The following DUS1L variants were observed in gnomAD, a reference collection of about 807,000 sequenced individuals.
DUS1L encodes the protein dihydrouridine synthase 1 like, also known as tRNA-dihydrouridine(16/17) synthase [NAD(P)(+)]-like.
In DUS1L, 56 loss-of-function variants were observed where a neutral mutation model predicts 61.2. The observed-to-expected ratio is 0.92, with a 90% CI of 0.74 to 1.14. The LOEUF (loss-of-function observed/expected upper bound fraction) is 1.14, where lower values mean the gene tolerates loss of function less well. Ranked by LOEUF, DUS1L falls within the 50% of genes most tolerant of loss-of-function variation. The pLI, the probability that DUS1L is intolerant of heterozygous loss-of-function variation, is 0.00. For synonymous variants in DUS1L, 278 were observed against 259.5 expected (o/e 1.07, Z -0.69); for missense variants, 630 against 632.4 (o/e 1.00, Z 0.04).
intron 7 of DUS1L, 73 bp downstream of exon 7, chr17:82,061,545 G>A: frequency 6.6e-7 from 1 of 1,509,462 alleles, no homozygotes; most frequent in Non-Finnish European, 9.1e-7. Flanking sequence ...GTAGGCAGTG[G>A]GAGGCACCGA....
chr17:82,057,508 C>T lies in DUS1L; in HGVS notation c.*607G>A. ...TCTTTCCTGCCGTGCAGGCTCTGGT[C>T]ACCCCTGGGTGGCCTTGGGTTCCTG... On this transcript the variant is annotated 3_prime_UTR_variant, in exon 14 of 14. Transcript: ENST00000306796. 2.6e-6 allele frequency: 1 copy of T among 383,088 alleles called. No individual in the cohort carries two copies. The highest frequency in any genetic ancestry group is 5.2e-6 in the Non-Finnish European group (1 of 193,626). The allele number at this position is 383,088 out of a possible 1,614,324, so 23.7% of individuals were successfully genotyped here. A position where few individuals can be genotyped will look rare whatever the true frequency, so the allele number is the denominator to read the frequency against.
At chr17:82,059,041 C>T (rs1052457662) in intron 11 of DUS1L, 23 of 574,664 alleles carry the variant, frequency 4.0e-5, no homozygotes, top group African/African-American at 1.9e-4. Context: ...CTGCAGGAAA[C>T]GGATAGGAAG....
At chr17:82,063,155 C>A in intron 4 of DUS1L, 182 bp from the exon 5 acceptor site, 1 of 640,856 alleles carries the variant, frequency 1.6e-6, no homozygotes, top group South Asian at 1.9e-5. Flanking sequence ...CTCCGCCATA[C>A]CCCCGGCCCT....
At chr17:82,059,214 ATTCAGCCTGAAGCCCCAC>A (rs2033309237) in intron 11 of DUS1L, 3 of 201,088 alleles carry the variant, frequency 1.5e-5, no homozygotes, top group African/African-American at 6.8e-5. Context: ...CAAATCAAGA[ATTCAGCCTGAAGCCCCAC>A]TTCCTGCCTC....
intron 10 of DUS1L, 119 bp downstream of exon 10, chr17:82,060,582 G>T: frequency 7.6e-7 from 1 of 1,312,250 alleles, no homozygotes; most frequent in Non-Finnish European, 1.0e-6. Flanking sequence ...CCTTTCCCTT[G>T]GGCAGGAGAT....
At chr17:82,064,526 T>G (rs781201772) in intron 2 of DUS1L, among the ~76,000 whole-genome samples, 4 of 152,032 alleles carry the variant, frequency 2.6e-5, no homozygotes, top group Non-Finnish European at 5.9e-5. Context: ...GAGGCAGCAA[T>G]CCAGAGGCCC....
chr17:82,060,707 CG>C lies in DUS1L; in HGVS notation c.1015del (p.Arg339GlyfsTer39). 1 of 1,612,698 alleles carries C rather than the reference CG, an allele frequency of 6.2e-7. No homozygotes were observed. The highest frequency in any genetic ancestry group is 8.5e-7 in the Non-Finnish European group (1 of 1,179,824). The part of the protein sequence containing the change: ...PFHWICQPYI[R>X]PGPREGSKEK... ...GGGCTGGCTGGGCTCTCACCCCGGC[CG>C]GATGTAGGGCTGGCAGATCCAGTGG... On this transcript the variant is annotated frameshift_variant, in exon 10 of 14. Transcript: ENST00000306796. LOFTEE classifies it high-confidence loss of function.
intron 2 of DUS1L, 35 bp downstream of exon 2, chr17:82,064,788 C>A: frequency 6.3e-7 from 1 of 1,576,442 alleles, no homozygotes; most frequent in Non-Finnish European, 8.6e-7. Context: ...ACCGGGAACC[C>A]AACCGCGGCC....
In DUS1L at chr17:82,064,221, T is replaced by C. The variant is rs771622282; in HGVS notation, c.251A>G (p.Asp84Gly). 1 of 1,611,678 alleles carries C rather than the reference T, an allele frequency of 6.2e-7. No homozygotes were observed. The highest frequency in any genetic ancestry group is 2.2e-5 in the East Asian group (1 of 44,868). The change falls in exon 3 of 14, where the codon GAC (aspartate) becomes GGC (glycine). Residue 84 changes from aspartate (D) to glycine (G), a missense_variant. By Grantham distance (94) the Asp-to-Gly change is moderately conservative (BLOSUM62 -1). Transcript: ENST00000306796. ...AGCCGCCTGAACAAACACCTCCGGG[T>C]CATTGGCACAGAACTGGAGAAGATG... ...RPLIVQFCAN[D>G]PEVFVQAALL...
At chr17:82,063,262 G>A in intron 4 of DUS1L, 1 of 695,532 alleles carries the variant, frequency 1.4e-6, no homozygotes, top group Non-Finnish European at 2.4e-6. Context: ...CTACTGTCTG[G>A]TTTTAAGGGG....
chr17:82,061,811 C>T (rs986136257), intron 6 of DUS1L, 90 bp from the exon 7 acceptor site: 21 of 1,591,852 alleles, frequency 1.3e-5, no homozygotes, highest in South Asian at 7.8e-5. Flanking sequence ...TGGTCACGGG[C>T]GTCAGGCGTG....
intron 11 of DUS1L, chr17:82,059,087 C>T (rs571150818): frequency 5.6e-6 from 3 of 534,252 alleles, no homozygotes; most frequent in Admixed American, 6.2e-5. Context: ...GACGAGCAGC[C>T]TTATCTGTCC....
chr17:82,059,799 G>C lies in DUS1L; in HGVS notation c.1168+149C>G. ...CCCCGTTCTGACCCCAAGTCTGGCTGACTACTCCGCCAAGCCCTCCAGGTG... is the reference window on the plus strand; with the variant it reads ...CCCCGTTCTGACCCCAAGTCTGGCTCACTACTCCGCCAAGCCCTCCAGGTG... On this transcript the variant is annotated intron_variant, in intron 11 of 13. Transcript: ENST00000306796. 1.7e-6 allele frequency: 2 copies of C among 1,163,182 alleles called. 1 individual carries two copies. Among genetic ancestry groups the C allele is most frequent in the South Asian group, 2.9e-5 (2 of 69,718 alleles). 72.1% of individuals were successfully genotyped at this position (1,163,182 alleles called of 1,614,324 possible).
chr17:82,064,500 G>A (rs913018705), intron 2 of DUS1L, among the ~76,000 whole-genome samples: 3 of 152,248 alleles, frequency 2.0e-5, no homozygotes, highest in Non-Finnish European at 4.4e-5. Flanking sequence ...GTTCTGAAGA[G>A]GGAGTGTGAG....
chr17:82,060,203 C>A, intron 10 of DUS1L, 110 bp from the exon 11 acceptor site: 2 of 1,410,120 alleles, frequency 1.4e-6, no homozygotes, highest in Non-Finnish European at 1.9e-6. Flanking sequence ...TGGCGAGTGC[C>A]GCTGCTGTGA....
chr17:82,065,177 G>C (rs972409968), intron 1 of DUS1L, 108 bp from the exon 2 acceptor site: 1 of 956,854 alleles, frequency 1.0e-6, no homozygotes, highest in African/African-American at 1.6e-5. Context: ...ACCACCGTTG[G>C]GTCACACGCG....
chr17:82,059,726 T>C (rs956709724), intron 11 of DUS1L: 2 of 601,624 alleles, frequency 3.3e-6, no homozygotes, highest in African/African-American at 3.7e-5. Flanking sequence ...CCTCATCTGA[T>C]TCACTGAGCC....
intron 2 of DUS1L, 35 bp from the exon 3 acceptor site, chr17:82,064,269 C>T: frequency 1.3e-6 from 2 of 1,581,324 alleles, no homozygotes; most frequent in Non-Finnish European, 1.7e-6. Flanking sequence ...ACGGGCCCAG[C>T]CAGGCCCTAG....
At position 82,064,226 on chromosome 17, in the gene DUS1L, G is replaced by A. The variant is rs781758763; in HGVS notation, c.246C>T (p.Ala82=). The change falls in exon 3 of 14, where the codon GCC becomes GCT. Residue 82 remains alanine, a synonymous_variant. Coordinates refer to ENST00000306796, the MANE Select transcript of DUS1L (RefSeq NM_022156.5). ...EDRPLIVQFC[A]NDPEVFVQAA... Reference sequence around the variant, plus strand: ...CCTGAACAAACACCTCCGGGTCATTGGCACAGAACTGGAGAAGATGCAGGA... The same window carrying A: ...CCTGAACAAACACCTCCGGGTCATTAGCACAGAACTGGAGAAGATGCAGGA... The A allele has an allele frequency of 2.8e-5, 45 of 1,611,202 alleles. No individual in the cohort carries two copies. Among genetic ancestry groups the A allele is most frequent in the Non-Finnish European group, 3.6e-5 (42 of 1,179,624 alleles).
Sources: allele counts gnomAD v4.1 joint callset (sites outside exome capture counted in the v4.1 genomes callset), GRCh38; gene constraint gnomAD v4.1.1; transcripts MANE v1.5; gene names NCBI Gene and HGNC (gene_info 2026-07-23, HGNC 2026-07-21).